BMX: variants seen among roughly 807,000 people sequenced by gnomAD.
The protein encoded by BMX is BMX non-receptor tyrosine kinase, also known as cytoplasmic tyrosine-protein kinase BMX.
Under a neutral mutation model 59.2 loss-of-function variants are expected in BMX, and 31 were observed. The observed-to-expected ratio is 0.52, with a 90% CI of 0.39 to 0.71. BMX has a LOEUF of 0.71. Among genes scored for constraint, BMX ranks in the 30% least tolerant of loss-of-function variants. The pLI, the probability that BMX is intolerant of heterozygous loss-of-function variation, is 0.00. For missense variants in BMX, 474 were observed against 491.7 expected (o/e 0.96, Z 0.34); for synonymous variants, 185 against 181.0 (o/e 1.02, Z -0.18).
intron 4 of BMX, among the ~76,000 whole-genome samples, chrX:15,513,828 T>C (rs770805500): frequency 9.8e-5 from 11 of 111,864 alleles, no homozygotes; most frequent in Non-Finnish European, 1.7e-4. Flanking sequence ...TCAGGTCTGC[T>C]ATTTATTAAG....
At chrX:15,530,504 A>C (rs965829727) in intron 10 of BMX, among the ~76,000 whole-genome samples, 22 of 112,062 alleles carry the variant, frequency 2.0e-4, no homozygotes, top group African/African-American at 6.2e-4. Context: ...CCACAGTGCA[A>C]GCACTTTTCG....
chrX:15,504,848 G>A lies in BMX; in HGVS notation c.-9-3497G>A, dbSNP rs896303515. 1.6e-4 allele frequency among the ~76,000 whole-genome samples: 18 copies of A among 111,846 alleles called. 1 individual carries two copies. Among genetic ancestry groups the A allele is most frequent in the African/African-American group, 5.9e-4 (18 of 30,761 alleles). On this transcript the variant is annotated intron_variant, in intron 1 of 18. Transcript: ENST00000348343. ...GGCTATTTGGTAAGCAAATTGATAG[G>A]TCTATTCTATGTGGGTGGTAATATG...
chrX:15,523,816 T>C (rs776718077), intron 7 of BMX, among the ~76,000 whole-genome samples: 8 of 112,172 alleles, frequency 7.1e-5, no homozygotes, highest in Non-Finnish European at 1.5e-4. Context: ...GCTGCCATTA[T>C]TGAGTTTTTG....
intron 14 of BMX, 149 bp from the exon 15 acceptor site, chrX:15,541,833 A>T: frequency 1.8e-6 from 1 of 560,151 alleles, no homozygotes; most frequent in Non-Finnish European, 2.8e-6. Flanking sequence ...GAAATATAAG[A>T]TCCTAAACTT....
intron 16 of BMX, among the ~76,000 whole-genome samples, chrX:15,544,088 T>G (rs1391444282): frequency 9.0e-6 from 1 of 111,568 alleles, no homozygotes; most frequent in African/African-American, 3.3e-5. Flanking sequence ...AAAGTTGTGC[T>G]GACTCAATAT....
intron 4 of BMX, among the ~76,000 whole-genome samples, chrX:15,514,619 T>C (rs1399376715): frequency 8.9e-6 from 1 of 112,432 alleles, no homozygotes; most frequent in Non-Finnish European, 1.9e-5. Context: ...TCTTAAAATA[T>C]ACTAAGATCT....
chrX:15,546,739 C>T, intron 16 of BMX, 64 bp from the exon 17 acceptor site: 3 of 962,980 alleles, frequency 3.1e-6, no homozygotes, highest in Non-Finnish European at 2.9e-6. Flanking sequence ...GGGTGGCTTC[C>T]GTGTCCTTCA....
chrX:15,504,952 T>G (rs923413598), intron 1 of BMX, among the ~76,000 whole-genome samples: 1 of 112,499 alleles, frequency 8.9e-6, no homozygotes, highest in African/African-American at 3.2e-5. Context: ...GATCTCATTT[T>G]ACTATAAAAG....
chrX:15,505,799 G>A (rs1195568343), intron 1 of BMX, among the ~76,000 whole-genome samples: 2 of 111,287 alleles, frequency 1.8e-5, no homozygotes, highest in Non-Finnish European at 3.8e-5. Flanking sequence ...ATACACAGAG[G>A]CAACTTTGTG....
At chrX:15,501,933 AGAGG>A (rs1431243587) in intron 1 of BMX, among the ~76,000 whole-genome samples, 1 of 111,870 alleles carries the variant, frequency 8.9e-6, no homozygotes, top group Admixed American at 9.5e-5. Context: ...AGCTGGGGAC[AGAGG>A]GATGAGAAGT....
chrX:15,515,838 C>A (rs1157753673), intron 4 of BMX, among the ~76,000 whole-genome samples: 1 of 111,940 alleles, frequency 8.9e-6, no homozygotes, highest in African/African-American at 3.2e-5. Context: ...TAACATCAAG[C>A]TGATCTGTAT....
At chrX:15,551,077 G>A (rs942871539) in intron 18 of BMX, among the ~76,000 whole-genome samples, 1 of 111,552 alleles carries the variant, frequency 9.0e-6, no homozygotes, top group Non-Finnish European at 1.9e-5. Context: ...TCTGGTTCAG[G>A]TTCTGCAAAG....
intron 18 of BMX, among the ~76,000 whole-genome samples, chrX:15,554,212 G>A (rs921105977): frequency 4.5e-5 from 5 of 112,104 alleles, no homozygotes; most frequent in African/African-American, 1.3e-4. Context: ...CTCCATAGGC[G>A]TTGCCTCACT....
intron 16 of BMX, among the ~76,000 whole-genome samples, chrX:15,545,595 C>A (rs1418955120): frequency 8.9e-6 from 1 of 111,798 alleles, no homozygotes; most frequent in East Asian, 2.8e-4. Context: ...CCTCTTATTG[C>A]GCATGTTTGA....
At chrX:15,517,840 G>A (rs757064685) in intron 5 of BMX, 89 bp from the exon 6 acceptor site, 20 of 784,657 alleles carry the variant, frequency 2.5e-5, no homozygotes, top group Non-Finnish European at 3.4e-5. Context: ...GCTCACACAA[G>A]CTGGTTCATT....
intron 9 of BMX, among the ~76,000 whole-genome samples, chrX:15,528,413 C>T (rs776809078): frequency 1.8e-5 from 2 of 112,230 alleles, no homozygotes; most frequent in East Asian, 5.6e-4. Flanking sequence ...AATCCCAGCA[C>T]TTTCAGAGGC....
intron 18 of BMX, among the ~76,000 whole-genome samples, chrX:15,552,033 T>G (rs1926224868): frequency 8.9e-6 from 1 of 112,268 alleles, no homozygotes; most frequent in Non-Finnish European, 1.9e-5. Flanking sequence ...GTAAAAGACT[T>G]TCTAGTGTAC....
At chrX:15,502,076 G>A (rs1035463773) in intron 1 of BMX, among the ~76,000 whole-genome samples, 1 of 111,936 alleles carries the variant, frequency 8.9e-6, no homozygotes, top group Non-Finnish European at 1.9e-5. Flanking sequence ...CTACTAGGGT[G>A]TTGGGCATTA....
chrX:15,548,698 C>A (rs1251043545), intron 17 of BMX, among the ~76,000 whole-genome samples: 1 of 111,763 alleles, frequency 8.9e-6, no homozygotes, highest in Non-Finnish European at 1.9e-5. Context: ...CCTCTGATAG[C>A]AATTCCCAAA....
Sources: gnomAD v4.1 joint callset for allele counts (sites outside exome capture counted in the v4.1 genomes callset) on GRCh38, gnomAD v4.1.1 for gene constraint, MANE v1.5 for transcripts, NCBI Gene and HGNC (gene_info 2026-07-23, HGNC 2026-07-21) for gene names.